SLC5A11: variants seen among roughly 807,000 people sequenced by gnomAD.
The protein encoded by SLC5A11 is solute carrier family 5 member 11.
In SLC5A11, 48 loss-of-function variants were observed where a neutral mutation model predicts 69.8. The observed-to-expected ratio is 0.69, with a 90% CI of 0.55 to 0.87. SLC5A11 has a LOEUF of 0.87. Among genes scored for constraint, SLC5A11 ranks in the 40% least tolerant of loss-of-function variants. The pLI is 0.00. For missense variants in SLC5A11, 784 were observed against 866.1 expected, an observed-to-expected ratio of 0.91 and a Z score of 1.19; for synonymous variants, 319 against 342.4, an observed-to-expected ratio of 0.93 and a Z score of 0.75.
intron 7 of SLC5A11, among the ~76,000 whole-genome samples, chr16:24,881,261 ATTTGT>A (rs2152332814): frequency 6.7e-6 from 1 of 148,236 alleles, no homozygotes; most frequent in African/African-American, 2.5e-5. Flanking sequence ...TGTGGTAGTG[ATTTGT>A]TTTTGTTTGA....
intron 10 of SLC5A11, among the ~76,000 whole-genome samples, chr16:24,901,958 G>GCGCACACACACACACACA (rs976595625): frequency 2.4e-4 from 33 of 136,674 alleles, no homozygotes; most frequent in African/African-American, 8.0e-4. Flanking sequence ...ACACACACAC[G>GCGCACACACACACACACA]CACACACACA....
exon 11 of SLC5A11, chr16:24,906,727 C>T (rs17772929): frequency 0.4 from 641,621 of 1,611,238 alleles, 135,684 homozygotes; most frequent in Non-Finnish European, 0.44. Context: ...GTTCGGACAT[C>T]GCGTATCCCA....
intron 14 of SLC5A11, among the ~76,000 whole-genome samples, chr16:24,910,077 A>C (rs2050395247): frequency 6.9e-6 from 1 of 145,958 alleles, no homozygotes; most frequent in Admixed American, 7.3e-5. Context: ...CAGCAACAGG[A>C]GGATGGGGTT....
chr16:24,853,102 C>T (rs2059383969), intron 1 of SLC5A11, among the ~76,000 whole-genome samples: 1 of 149,800 alleles, frequency 6.7e-6, no homozygotes, highest in Non-Finnish European at 1.5e-5. Flanking sequence ...CAACTAATGC[C>T]TAATGTTTGT....
rs962667679 is a variant in SLC5A11 at position 24,851,013 on chromosome 16, G to A, written c.-25+4575G>A. On this transcript the variant is annotated intron_variant, in intron 1 of 15. Coordinates refer to ENST00000347898, the Ensembl canonical transcript of SLC5A11. ...TTTAGTGGAGACAGGGTTTCATCAC[G>A]TTGGCCAGGCTGGTCTCGAACTCTG... is the stretch of plus-strand genomic sequence containing the variant. Among the ~76,000 whole-genome samples the A allele has an allele frequency of 6.6e-5, 10 of 151,762 alleles. No individual in the cohort carries two copies. In the East Asian group the frequency reaches 7.9e-4, roughly 12 times the overall value.
chr16:24,849,582 AAAAAAAAAAAAATAT>A (rs1225124118), intron 1 of SLC5A11, among the ~76,000 whole-genome samples: 1 of 108,784 alleles, frequency 9.2e-6, no homozygotes, highest in African/African-American at 3.4e-5. Flanking sequence ...CAAAAAAAAA[AAAAAAAAAAAAATAT>A]ATATATATAT....
chr16:24,908,480 T>C (rs958978700), intron 13 of SLC5A11, among the ~76,000 whole-genome samples: 2 of 149,778 alleles, frequency 1.3e-5, no homozygotes, highest in African/African-American at 4.9e-5. Context: ...GCGCCTGTAA[T>C]CCCAGCTACT....
intron 10 of SLC5A11, among the ~76,000 whole-genome samples, chr16:24,905,628 A>C: frequency 7.8e-6 from 1 of 128,646 alleles, no homozygotes; most frequent in South Asian, 2.7e-4. Context: ...TCTCAAAAAC[A>C]CGCGCGCGCG....
At chr16:24,885,855 G>C (rs1209904767) in intron 8 of SLC5A11, among the ~76,000 whole-genome samples, 3 of 151,670 alleles carry the variant, frequency 2.0e-5, no homozygotes, top group African/African-American at 7.3e-5. Flanking sequence ...TAGAAGTAGA[G>C]GACAAACTGA....
At chr16:24,887,739 G>A (rs965369047) in intron 8 of SLC5A11, among the ~76,000 whole-genome samples, 25 of 151,930 alleles carry the variant, frequency 1.6e-4, no homozygotes, top group African/African-American at 5.8e-4. Context: ...CTCTTCCTTA[G>A]CTATATATTA....
At chr16:24,903,494 T>A (rs1296952232) in intron 10 of SLC5A11, among the ~76,000 whole-genome samples, 1 of 152,186 alleles carries the variant, frequency 6.6e-6, no homozygotes, top group Admixed American at 6.5e-5. Flanking sequence ...AACCTTTGGC[T>A]ACCCTCCTCC....
Position 24,903,181 on chromosome 16 carries a change from G to A in SLC5A11, c.1007-3476G>A, listed in dbSNP as rs1304966845. Among the ~76,000 whole-genome samples, 5 of 150,210 alleles carry A rather than the reference G, an allele frequency of 3.3e-5. 1 individual carries two copies. Among genetic ancestry groups the A allele is most frequent in the Non-Finnish European group, 7.4e-5 (5 of 67,872 alleles). ...CCTTCTGAATCAGAATCCCTGGAGGGACATCTGTTTTTTTTTTTTCTCTTA... is the reference window on the plus strand; with the variant it reads ...CCTTCTGAATCAGAATCCCTGGAGGAACATCTGTTTTTTTTTTTTCTCTTA... On this transcript the variant is annotated intron_variant, in intron 10 of 15. Transcript: ENST00000347898.
chr16:24,895,258 G>A (rs1224631076), intron 9 of SLC5A11, among the ~76,000 whole-genome samples: 1 of 152,164 alleles, frequency 6.6e-6, no homozygotes, highest in Non-Finnish European at 1.5e-5. Flanking sequence ...GGAGGCTGAG[G>A]TGGGTGGATC....
chr16:24,863,440 T>A (rs190242373), intron 3 of SLC5A11, among the ~76,000 whole-genome samples: 6 of 152,142 alleles, frequency 3.9e-5, no homozygotes, highest in Admixed American at 3.9e-4. Flanking sequence ...GGTAGCTGAA[T>A]CCCAAGAGGG....
intron 1 of SLC5A11, among the ~76,000 whole-genome samples, chr16:24,848,347 G>T (rs1048939230): frequency 2.0e-5 from 3 of 150,710 alleles, no homozygotes; most frequent in Non-Finnish European, 4.4e-5. Context: ...GGTGGCTCAT[G>T]CCTGCAACCT....
chr16:24,877,662 C>T (rs1047339676), intron 7 of SLC5A11, among the ~76,000 whole-genome samples: 6 of 151,998 alleles, frequency 3.9e-5, no homozygotes. Flanking sequence ...CCAGCCTGGC[C>T]AACATGGCAA....
At chr16:24,875,755 C>G in intron 6 of SLC5A11, 24 bp downstream of exon 7, 7 of 1,581,154 alleles carry the variant, frequency 4.4e-6, no homozygotes, top group Non-Finnish European at 6.1e-6. Flanking sequence ...ACAGCCTGGC[C>G]TCACCCATGC....
chr16:24,887,721 C>T (rs2048480811), intron 8 of SLC5A11, among the ~76,000 whole-genome samples: 1 of 152,120 alleles, frequency 6.6e-6, no homozygotes, highest in Non-Finnish European at 1.5e-5. Flanking sequence ...GCTGTTTGTT[C>T]TGTTTTTCTC....
chr16:24,905,642 A>ACG (rs1455247104), intron 10 of SLC5A11, among the ~76,000 whole-genome samples: 699 of 32,874 alleles, frequency 0.021, 10 homozygotes, highest in African/African-American at 0.04. Context: ...GCGCGCGCGC[A>ACG]CACACACACA....
Sources: gnomAD v4.1 joint callset for allele counts (sites outside exome capture counted in the v4.1 genomes callset) on GRCh38, gnomAD v4.1.1 for gene constraint, MANE v1.5 for transcripts, NCBI Gene and HGNC (gene_info 2026-07-23, HGNC 2026-07-21) for gene names.